ANKFN1: variants seen among roughly 807,000 people sequenced by gnomAD.
ANKFN1 encodes the protein ankyrin repeat and fibronectin type-III domain-containing protein 1.
A neutral mutation model predicts 108.7 loss-of-function variants in ANKFN1; 74 were observed. The observed-to-expected ratio is 0.68, with a 90% CI of 0.56 to 0.83. The LOEUF (loss-of-function observed/expected upper bound fraction) is 0.83, where lower values mean the gene tolerates loss of function less well. Among genes scored for constraint, ANKFN1 ranks in the 40% least tolerant of loss-of-function variants. The pLI is 0.00. For missense variants in ANKFN1, 1,505 were observed against 1,382.3 expected, an observed-to-expected ratio of 1.09 and a Z score of -1.41; for synonymous variants, 547 against 516.2, an observed-to-expected ratio of 1.06 and a Z score of -0.81.
At chr17:56,145,322 C>T (rs1338574581) in intron 4 of ANKFN1, among the ~76,000 whole-genome samples, 1 of 152,138 alleles carries the variant, frequency 6.6e-6, no homozygotes, top group African/African-American at 2.4e-5. Flanking sequence ...ATGTGTAAAA[C>T]CTGTAGTATT....
intron 19 of ANKFN1, among the ~76,000 whole-genome samples, chr17:56,496,251 T>C (rs1467429108): frequency 3.9e-5 from 6 of 152,174 alleles, no homozygotes; most frequent in Non-Finnish European, 7.4e-5. Flanking sequence ...TGTTTCTACA[T>C]ACTTTTAAAA....
chr17:56,362,265 T>C (rs1320869357), intron 6 of ANKFN1, among the ~76,000 whole-genome samples: 3 of 152,246 alleles, frequency 2.0e-5, no homozygotes, highest in Non-Finnish European at 4.4e-5. Flanking sequence ...ACCCATTAGT[T>C]ATATAGTTTG....
At chr17:56,215,551 G>A (rs567673904) in intron 2 of ANKFN1, among the ~76,000 whole-genome samples, 21 of 152,196 alleles carry the variant, frequency 1.4e-4, no homozygotes, top group Non-Finnish European at 2.9e-4. Flanking sequence ...GATTGAGACA[G>A]GAAAGAAGGA....
rs375083289 is a variant in ANKFN1 at position 56,096,725 on chromosome 17, A to T, written c.288+50400A>T. 1.1e-4 allele frequency among the ~76,000 whole-genome samples: 17 copies of T among 152,338 alleles called. No homozygotes were observed. The East Asian group carries it at 3.1e-3, about 28-fold the overall frequency. The stretch of plus-strand genomic sequence containing the variant: ...CAATTTCTCAAATTTAAATCTTAAA[A>T]CAGAACTATGATTTGACCCAGCAAT... On this transcript the variant is annotated intron_variant, in intron 4 of 12. Transcript: ENST00000635860.
At chr17:56,471,244 A>C (rs2145318292) in intron 15 of ANKFN1, 1 of 152,424 alleles carries the variant, frequency 6.6e-6, no homozygotes, top group African/African-American at 2.4e-5. Flanking sequence ...GCTGCTGTAC[A>C]CACCTTCCTC....
chr17:56,124,648 C>T (rs1043084564), intron 4 of ANKFN1, among the ~76,000 whole-genome samples: 2 of 152,156 alleles, frequency 1.3e-5, no homozygotes, highest in African/African-American at 4.8e-5. Flanking sequence ...ATCAGACGCT[C>T]GGAACAACTC....
intron 4 of ANKFN1, among the ~76,000 whole-genome samples, chr17:56,144,948 T>TA (rs1275728437): frequency 6.6e-6 from 1 of 152,054 alleles, no homozygotes; most frequent in Non-Finnish European, 1.5e-5. Context: ...TTTTTTTTTC[T>TA]AAAAACCACA....
Position 56,078,440 on chromosome 17 carries a change from G to A in ANKFN1, c.288+32115G>A, listed in dbSNP as rs79561308. The stretch of plus-strand genomic sequence containing the variant: ...AAAAAAATGGGGGAGCTCATGCTCT[G>A]TTGATCTCTTCTTCCAAGTTTTAGC... On this transcript the variant is annotated intron_variant, in intron 4 of 12. Transcript: ENST00000635860. Among the ~76,000 whole-genome samples the A allele has an allele frequency of 5.3e-3, 813 of 152,296 alleles. 3 individuals are homozygous for A. Among genetic ancestry groups the A allele is most frequent in the Non-Finnish European group, 8.4e-3 (571 of 68,020 alleles).
intron 3 of ANKFN1, among the ~76,000 whole-genome samples, chr17:56,277,028 G>A (rs572204444): frequency 6.6e-6 from 1 of 152,264 alleles, no homozygotes; most frequent in African/African-American, 2.4e-5. Flanking sequence ...TGGTAGTAGT[G>A]TTTATGGGTT....
chr17:56,112,467 G>C (rs1906022455), intron 4 of ANKFN1, among the ~76,000 whole-genome samples: 1 of 151,758 alleles, frequency 6.6e-6, no homozygotes, highest in East Asian at 2.0e-4. Context: ...AAATAGCCAA[G>C]CAGAACAGAG....
intron 8 of ANKFN1, among the ~76,000 whole-genome samples, chr17:56,423,098 A>T (rs186472403): frequency 7.2e-4 from 110 of 152,356 alleles, no homozygotes; most frequent in African/African-American, 2.5e-3. Context: ...GTTTAAAAAA[A>T]GTGTAGATAT....
chr17:56,248,708 ATT>A (rs1481097256), intron 3 of ANKFN1, among the ~76,000 whole-genome samples: 1 of 152,122 alleles, frequency 6.6e-6, no homozygotes, highest in Admixed American at 6.6e-5. Flanking sequence ...CTTAATGGAG[ATT>A]TTGCTTCTAG....
At chr17:56,101,364 T>TA in intron 4 of ANKFN1, among the ~76,000 whole-genome samples, 1 of 152,190 alleles carries the variant, frequency 6.6e-6, no homozygotes, top group Non-Finnish European at 1.5e-5. Context: ...CTCCTCAAGC[T>TA]AAATCACATA....
chr17:56,394,451 T>G (rs906027741), intron 8 of ANKFN1, among the ~76,000 whole-genome samples: 2 of 152,182 alleles, frequency 1.3e-5, no homozygotes, highest in Non-Finnish European at 2.9e-5. Context: ...TTTATTGCCA[T>G]GCAACTGTGA....
At chr17:56,352,134 G>C (rs2046264239) in intron 5 of ANKFN1, among the ~76,000 whole-genome samples, 2 of 152,146 alleles carry the variant, frequency 1.3e-5, no homozygotes, top group South Asian at 4.1e-4. Flanking sequence ...AGCATCAGAG[G>C]CTCTTCAGTT....
intron 4 of ANKFN1, among the ~76,000 whole-genome samples, chr17:56,096,493 AG>A (rs1905536908): frequency 6.6e-6 from 1 of 152,210 alleles, no homozygotes; most frequent in African/African-American, 2.4e-5. Flanking sequence ...CTCTAACCCA[AG>A]GGTAGTATGT....
At chr17:56,095,375 T>C (rs1430789284) in intron 4 of ANKFN1, among the ~76,000 whole-genome samples, 1 of 150,646 alleles carries the variant, frequency 6.6e-6, no homozygotes, top group Non-Finnish European at 1.5e-5. Context: ...CAGTGCAACC[T>C]TGAACTCCTA....
chr17:56,276,079 A>G (rs1415431944), intron 3 of ANKFN1, among the ~76,000 whole-genome samples: 1 of 151,494 alleles, frequency 6.6e-6, no homozygotes, highest in Non-Finnish European at 1.5e-5. Context: ...ATGTGTTTTC[A>G]TTGTTCAATT....
intron 3 of ANKFN1, among the ~76,000 whole-genome samples, chr17:56,234,541 C>T (rs1916969840): frequency 6.6e-6 from 1 of 151,942 alleles, no homozygotes; most frequent in Non-Finnish European, 1.5e-5. Flanking sequence ...TCTGTTGTTC[C>T]CCTCTTTGTG....
Sources: allele counts gnomAD v4.1 joint callset (sites outside exome capture counted in the v4.1 genomes callset), GRCh38; gene constraint gnomAD v4.1.1; transcripts MANE v1.5; gene names NCBI Gene and HGNC (gene_info 2026-07-23, HGNC 2026-07-21).